Variants in MYH11 observed in about 807,000 individuals in gnomAD.
The protein encoded by MYH11 is myosin heavy chain 11.
A neutral mutation model predicts 246.6 loss-of-function variants in MYH11; 80 were observed. That is an observed-to-expected ratio of 0.32 (90% CI 0.27 to 0.39). The LOEUF (loss-of-function observed/expected upper bound fraction) is 0.39. Ranked by LOEUF, MYH11 falls within the 10% of genes least tolerant of loss-of-function variation. MYH11 has a pLI of 1.00. For synonymous variants in MYH11, 1,071 were observed against 1,015.5 expected (o/e 1.05, Z -1.04); for missense variants, 2,158 against 2,546.8 (o/e 0.85, Z 3.29).
At chr16:15,745,067 G>C in intron 20 of MYH11, 62 bp downstream of exon 20, 1 of 1,262,784 alleles carries the variant, frequency 7.9e-7, no homozygotes, top group South Asian at 1.2e-5. Context: ...AAATGTGAAG[G>C]CTCCAGAGTG....
At chr16:15,847,507 G>A (rs574358632) in intron 1 of MYH11, among the ~76,000 whole-genome samples, 1 of 152,276 alleles carries the variant, frequency 6.6e-6, no homozygotes, top group East Asian at 1.9e-4. Context: ...GCCTGCCTCG[G>A]TCTCCCAAAG....
intron 3 of MYH11, among the ~76,000 whole-genome samples, chr16:15,802,883 G>T (rs761301311): frequency 2.8e-4 from 42 of 152,054 alleles, no homozygotes; most frequent in Non-Finnish European, 4.9e-4. Context: ...GGGCGTGGTG[G>T]CTCACACCTG....
chr16:15,710,081 G>A (rs1488812737), intron 40 of MYH11, among the ~76,000 whole-genome samples: 1 of 152,182 alleles, frequency 6.6e-6, no homozygotes, highest in African/African-American at 2.4e-5. Context: ...AGATGCAGAA[G>A]GCAGGACAGA....
At chr16:15,726,582 G>T (rs889156426) in intron 28 of MYH11, 26 of 556,928 alleles carry the variant, frequency 4.7e-5, no homozygotes, top group Non-Finnish European at 8.4e-5. Flanking sequence ...TGGCCAGACT[G>T]GTCTCAAACC....
chr16:15,793,560 T>C (rs1171014486), intron 4 of MYH11, among the ~76,000 whole-genome samples: 2 of 151,794 alleles, frequency 1.3e-5, no homozygotes, highest in Non-Finnish European at 2.9e-5. Context: ...CTCAAGGCCC[T>C]GAGTTTCCAG....
At chr16:15,719,975 C>T (rs1404374606) in intron 34 of MYH11, among the ~76,000 whole-genome samples, 176 bp downstream of exon 34, 1 of 152,134 alleles carries the variant, frequency 6.6e-6, no homozygotes. Flanking sequence ...TAATGCTGCC[C>T]TACCCAGGGC....
chr16:15,766,293 T>C (rs2041978254), intron 9 of MYH11, among the ~76,000 whole-genome samples: 1 of 152,122 alleles, frequency 6.6e-6, no homozygotes, highest in African/African-American at 2.4e-5. Context: ...TTCTGATTTT[T>C]CTAGATAATG....
intron 22 of MYH11, 53 bp from the exon 23 acceptor site, chr16:15,740,241 CGTG>C: frequency 6.2e-7 from 1 of 1,612,406 alleles, no homozygotes; most frequent in Admixed American, 1.7e-5. Context: ...GATTTACTCT[CGTG>C]GTGATCTGGG....
chr16:15,704,148 A>G (rs1218518653), intron 40 of MYH11, 25 bp from the exon 41 acceptor site: 10 of 1,613,396 alleles, frequency 6.2e-6, no homozygotes, highest in Non-Finnish European at 6.8e-6. Flanking sequence ...AAAACACATT[A>G]TTTAGCAAAG....
chr16:15,736,758 T>C (rs1165757368), intron 25 of MYH11, among the ~76,000 whole-genome samples: 2 of 152,196 alleles, frequency 1.3e-5, no homozygotes, highest in African/African-American at 2.4e-5. Flanking sequence ...CCTGTTGCGT[T>C]ACCCCTAGGA....
chr16:15,709,393 C>T (rs1355125565), intron 40 of MYH11, among the ~76,000 whole-genome samples: 3 of 152,044 alleles, frequency 2.0e-5, no homozygotes, highest in African/African-American at 4.8e-5. Context: ...CTGCTCACTG[C>T]AACCTCCACC....
At chr16:15,705,809 G>C (rs919279671) in intron 40 of MYH11, among the ~76,000 whole-genome samples, 2 of 151,676 alleles carry the variant, frequency 1.3e-5, no homozygotes, top group African/African-American at 4.9e-5. Flanking sequence ...GTGAAACCGT[G>C]TCTCTACTAA....
At chr16:15,840,467 C>T (rs2044024527) in intron 1 of MYH11, among the ~76,000 whole-genome samples, 1 of 152,306 alleles carries the variant, frequency 6.6e-6, no homozygotes, top group Non-Finnish European at 1.5e-5. Context: ...CTCAGTGGCT[C>T]ACACCTGTAA....
At chr16:15,775,540 T>G (rs935469790) in intron 8 of MYH11, among the ~76,000 whole-genome samples, 1 of 152,226 alleles carries the variant, frequency 6.6e-6, no homozygotes, top group African/African-American at 2.4e-5. Context: ...CAGAGTTGAA[T>G]AGCTGTGCCA....
intron 1 of MYH11, among the ~76,000 whole-genome samples, chr16:15,841,642 T>C (rs1374456623): frequency 1.3e-5 from 2 of 152,208 alleles, no homozygotes; most frequent in Non-Finnish European, 2.9e-5. Flanking sequence ...GTTATCCAGA[T>C]GTGTTTATGA....
intron 6 of MYH11, 99 bp from the exon 7 acceptor site, chr16:15,778,942 G>T: frequency 8.8e-7 from 1 of 1,131,604 alleles, no homozygotes; most frequent in Non-Finnish European, 1.3e-6. Flanking sequence ...GAGGATGGGA[G>T]GTGGGGCGGG....
chr16:15,787,750 A>G (rs563738948), intron 4 of MYH11, among the ~76,000 whole-genome samples: 3 of 152,116 alleles, frequency 2.0e-5, no homozygotes, highest in Non-Finnish European at 4.4e-5. Flanking sequence ...TAGAAATGGA[A>G]AGACCAGGCA....
At chr16:15,777,093 A>G (rs897993386) in intron 7 of MYH11, among the ~76,000 whole-genome samples, 7 of 141,518 alleles carry the variant, frequency 4.9e-5, no homozygotes, top group Admixed American at 1.4e-4. Context: ...ATGGGTATAC[A>G]CACGCACACA....
At chr16:15,845,898 C>T (rs2044178768) in intron 1 of MYH11, among the ~76,000 whole-genome samples, 3 of 152,012 alleles carry the variant, frequency 2.0e-5, no homozygotes, top group Admixed American at 1.3e-4. Context: ...TTGAGACCAG[C>T]TTGGCCAACA....
Sources: gnomAD v4.1 joint callset for allele counts (sites outside exome capture counted in the v4.1 genomes callset) on GRCh38, gnomAD v4.1.1 for gene constraint, MANE v1.5 for transcripts, NCBI Gene and HGNC (gene_info 2026-07-23, HGNC 2026-07-21) for gene names.